Variants in SLC35G2 observed in about 807,000 individuals in gnomAD.
The protein encoded by SLC35G2 is transmembrane protein 22.
In SLC35G2, 20 loss-of-function variants were observed where a neutral mutation model predicts 27.2. That is an observed-to-expected ratio of 0.74 (90% CI 0.52 to 1.07). The LOEUF (loss-of-function observed/expected upper bound fraction) is 1.07, where lower values mean the gene tolerates loss of function less well. Among genes scored for constraint, SLC35G2 ranks in the 50% least tolerant of loss-of-function variants. SLC35G2 has a pLI of 0.00. For missense variants in SLC35G2, 416 were observed against 493.3 expected, an observed-to-expected ratio of 0.84 and a Z score of 1.48; for synonymous variants, 148 against 165.3, an observed-to-expected ratio of 0.90 and a Z score of 0.80.
At chr3:136,830,082 A>AT (rs1446065661) in intron 1 of SLC35G2, among the ~76,000 whole-genome samples, 1 of 135,670 alleles carries the variant, frequency 7.4e-6, no homozygotes, top group African/African-American at 2.7e-5. Flanking sequence ...CTGTTTCTAG[A>AT]TTTTTTAGAC....
intron 1 of SLC35G2, among the ~76,000 whole-genome samples, chr3:136,826,795 AC>A (rs1936596504): frequency 6.6e-6 from 1 of 151,674 alleles, no homozygotes; most frequent in African/African-American, 2.4e-5. Flanking sequence ...GCACCACCAC[AC>A]CTGGCTAATT....
intron 1 of SLC35G2, among the ~76,000 whole-genome samples, chr3:136,825,532 T>G (rs1053200564): frequency 6.6e-6 from 1 of 151,952 alleles, no homozygotes; most frequent in Non-Finnish European, 1.5e-5. Flanking sequence ...ATGAGCCACC[T>G]TGCCCAGCCA....
intron 1 of SLC35G2, among the ~76,000 whole-genome samples, chr3:136,850,313 C>G (rs1937584086): frequency 1.3e-5 from 2 of 152,198 alleles, no homozygotes; most frequent in South Asian, 4.2e-4. Flanking sequence ...TCCTGTCACT[C>G]CTGATAATGC....
chr3:136,851,997 C>G (rs762890881), intron 1 of SLC35G2, among the ~76,000 whole-genome samples: 3 of 152,066 alleles, frequency 2.0e-5, no homozygotes, highest in Non-Finnish European at 2.9e-5. Context: ...GATTAGTGAC[C>G]AAATGCAAGT....
At position 136,855,877 on chromosome 3, in the gene SLC35G2, T is replaced by C. The variant is rs1055665750; in HGVS notation, c.*178T>C. On this transcript the variant is annotated 3_prime_UTR_variant, in exon 2 of 2. Coordinates refer to ENST00000446465, the MANE Select transcript of SLC35G2 (RefSeq NM_025246.3). ...TATTCAAATACAAATATTAAATATA[T>C]GAAATACGTTATGAATCTGGTATCT... 18 of 514,240 alleles carry C rather than the reference T, an allele frequency of 3.5e-5. No homozygotes were observed. Among genetic ancestry groups the C allele is most frequent in the African/African-American group, 2.9e-4 (15 of 50,880 alleles). 31.9% of individuals were successfully genotyped at this position (514,240 alleles called of 1,614,324 possible).
At chr3:136,842,596 A>C (rs1937145524) in intron 1 of SLC35G2, 1 of 152,202 alleles carries the variant, frequency 6.6e-6, no homozygotes, top group South Asian at 2.1e-4. Context: ...CTGTGAGAAC[A>C]ATCTCAAAGG....
chr3:136,836,364 G>C (rs375955094), intron 1 of SLC35G2, among the ~76,000 whole-genome samples: 9 of 152,034 alleles, frequency 5.9e-5, no homozygotes, highest in African/African-American at 2.2e-4. Context: ...CCAATCTCCT[G>C]ACCTCACAGG....
intron 1 of SLC35G2, among the ~76,000 whole-genome samples, chr3:136,839,634 A>G (rs1937007338): frequency 6.6e-6 from 1 of 152,138 alleles, no homozygotes; most frequent in African/African-American, 2.4e-5. Flanking sequence ...AACCAGACTG[A>G]TAACTCTCAC....
At chr3:136,852,465 G>A (rs529910217) in intron 1 of SLC35G2, among the ~76,000 whole-genome samples, 7 of 151,148 alleles carry the variant, frequency 4.6e-5, no homozygotes, top group East Asian at 1.9e-4. Context: ...AGGGAGTCAC[G>A]AGGAAGAAAA....
intron 1 of SLC35G2, among the ~76,000 whole-genome samples, chr3:136,826,381 A>G (rs928693996): frequency 6.6e-5 from 10 of 152,204 alleles, no homozygotes; most frequent in African/African-American, 2.4e-4. Context: ...AATTCAGTAA[A>G]GTTGCAGGAT....
intron 1 of SLC35G2, chr3:136,820,003 G>A (rs1936406441): frequency 6.6e-6 from 1 of 152,282 alleles, no homozygotes; most frequent in Non-Finnish European, 1.5e-5. Flanking sequence ...GGCCTCATTT[G>A]AGAGGAGGAG....
intron 1 of SLC35G2, among the ~76,000 whole-genome samples, chr3:136,836,916 C>T (rs1261193974): frequency 6.6e-6 from 1 of 152,170 alleles, no homozygotes; most frequent in South Asian, 2.1e-4. Context: ...TCTTTTAGTG[C>T]TGACTTCATT....
At position 136,854,505 on chromosome 3, in the gene SLC35G2, G is replaced by A; in HGVS notation, c.45G>A (p.Val15=). 1.3e-6 allele frequency: 2 copies of A among 1,591,346 alleles called. No individual in the cohort carries two copies. The highest frequency in any genetic ancestry group is 1.4e-5 in the African/African-American group (1 of 73,870). Residue 15 remains valine (V), a synonymous_variant, in exon 2 of 2, where the codon GTG becomes GTA. Coordinates refer to ENST00000446465, the MANE Select transcript of SLC35G2 (RefSeq NM_025246.3). ...GAAAATATCCAGTTAAAAAACGGGT[G>A]AAAATACATCCCAACACAGTGATGG... ...PSRKYPVKKR[V]KIHPNTVMVK...
chr3:136,845,650 C>T (rs1937337674), intron 1 of SLC35G2, among the ~76,000 whole-genome samples: 2 of 150,444 alleles, frequency 1.3e-5, no homozygotes, highest in Admixed American at 1.3e-4. Flanking sequence ...AGGCTGGAGT[C>T]AGTGGCGCGA....
At chr3:136,827,177 C>T (rs1249744321) in intron 1 of SLC35G2, among the ~76,000 whole-genome samples, 1 of 150,978 alleles carries the variant, frequency 6.6e-6, no homozygotes, top group Admixed American at 6.6e-5. Context: ...TCATTTATTT[C>T]TGCTCTAATC....
chr3:136,842,987 C>T (rs564748993), intron 1 of SLC35G2: 80 of 152,200 alleles, frequency 5.3e-4, no homozygotes, highest in African/African-American at 1.8e-3. Flanking sequence ...TTGTTTCTGA[C>T]ATCTCTGTAG....
At chr3:136,840,148 C>T (rs1028580060) in intron 1 of SLC35G2, among the ~76,000 whole-genome samples, 1 of 152,234 alleles carries the variant, frequency 6.6e-6, no homozygotes, top group Non-Finnish European at 1.5e-5. Context: ...GGGACTGCCA[C>T]ACCTTCAGCT....
intron 1 of SLC35G2, among the ~76,000 whole-genome samples, chr3:136,848,102 C>T (rs1032503902): frequency 6.6e-6 from 1 of 152,170 alleles, no homozygotes; most frequent in Non-Finnish European, 1.5e-5. Flanking sequence ...AGGGCATAAG[C>T]TGTTTGGAGT....
intron 1 of SLC35G2, among the ~76,000 whole-genome samples, chr3:136,824,476 TG>T (rs1463032872): frequency 6.6e-6 from 1 of 152,226 alleles, no homozygotes; most frequent in Admixed American, 6.5e-5. Flanking sequence ...TAATTTGATT[TG>T]TGGCTATTGT....
Sources: gnomAD v4.1 joint callset for allele counts (sites outside exome capture counted in the v4.1 genomes callset) on GRCh38, gnomAD v4.1.1 for gene constraint, MANE v1.5 for transcripts, NCBI Gene and HGNC (gene_info 2026-07-23, HGNC 2026-07-21) for gene names.